ADGRV1: variants seen among roughly 807,000 people sequenced by gnomAD.
ADGRV1 encodes adhesion G protein-coupled receptor V1.
ADGRV1 carries 359 observed loss-of-function variants against 596.2 expected under a neutral mutation model. That is an observed-to-expected ratio of 0.60 (90% CI 0.55 to 0.66). The LOEUF (loss-of-function observed/expected upper bound fraction) is 0.66, where lower values mean the gene tolerates loss of function less well. ADGRV1 is among the 30% of genes least tolerant of loss of function. ADGRV1 has a pLI of 0.00. For synonymous variants in ADGRV1, 2,681 were observed against 2,679.2 expected, an observed-to-expected ratio of 1.00 and a Z score of -0.02; for missense variants, 7,274 against 7,575.6, an observed-to-expected ratio of 0.96 and a Z score of 1.48.
chr5:90,624,361 A>G (rs1318582760), intron 5 of ADGRV1, among the ~76,000 whole-genome samples: 2 of 152,210 alleles, frequency 1.3e-5, no homozygotes, highest in African/African-American at 4.8e-5. Context: ...GAAAGGATAA[A>G]TCATCCAGAG....
intron 89 of ADGRV1, among the ~76,000 whole-genome samples, chr5:91,162,956 A>G (rs2126972134): frequency 6.6e-6 from 1 of 152,290 alleles, no homozygotes; most frequent in Middle Eastern, 3.4e-3. Context: ...AGCACACCCT[A>G]TGACCACATC....
intron 85 of ADGRV1, among the ~76,000 whole-genome samples, chr5:91,057,765 T>C (rs1787018186): frequency 1.3e-5 from 2 of 152,240 alleles, no homozygotes; most frequent in Non-Finnish European, 2.9e-5. Flanking sequence ...GGTTCATTGC[T>C]CTTTCCTCCT....
chr5:91,101,183 T>G (rs894855454), intron 86 of ADGRV1, among the ~76,000 whole-genome samples: 3 of 152,200 alleles, frequency 2.0e-5, no homozygotes, highest in African/African-American at 4.8e-5. Context: ...GGGGATCAGA[T>G]TCACAATTTT....
chr5:91,036,445 C>T (rs1365482764), intron 85 of ADGRV1, among the ~76,000 whole-genome samples: 1 of 151,992 alleles, frequency 6.6e-6, no homozygotes, highest in East Asian at 1.9e-4. Flanking sequence ...ACCTGTAGTC[C>T]CAGCTACTTG....
At chr5:90,729,368 GTAAAATTGCAACA>G in intron 49 of ADGRV1, among the ~76,000 whole-genome samples, 1 of 152,122 alleles carries the variant, frequency 6.6e-6, no homozygotes. Flanking sequence ...ACTTTCATGG[GTAAAATTGCAACA>G]TTCCTAAAAA....
chr5:90,950,994 A>G (rs1777017004), intron 83 of ADGRV1, among the ~76,000 whole-genome samples: 2 of 152,184 alleles, frequency 1.3e-5, no homozygotes, highest in Non-Finnish European at 2.9e-5. Context: ...CCTCATTCTC[A>G]TTTTGCAGAG....
chr5:91,075,758 G>GTCTACATTTAAAAATATAAAAATA (rs1185871584), intron 86 of ADGRV1, among the ~76,000 whole-genome samples: 10 of 151,866 alleles, frequency 6.6e-5, no homozygotes, highest in African/African-American at 2.4e-4. Flanking sequence ...AATATAAAGT[G>GTCTACATTTAAAAATATAAAAATA]GATTTTCTCA....
intron 80 of ADGRV1, 97 bp downstream of exon 80, chr5:90,853,630 G>C (rs752727694): frequency 1.8e-4 from 210 of 1,141,438 alleles, no homozygotes; most frequent in Non-Finnish European, 2.4e-4. Context: ...GTTTTGGTAA[G>C]TGCTACACAT....
chr5:90,760,768 C>A (rs1756430702), intron 58 of ADGRV1, among the ~76,000 whole-genome samples: 1 of 151,862 alleles, frequency 6.6e-6, no homozygotes, highest in Admixed American at 6.6e-5. Flanking sequence ...ATTGATTCAG[C>A]CACAAAGAGA....
chr5:90,964,598 C>G (rs1778294230), intron 83 of ADGRV1, among the ~76,000 whole-genome samples: 1 of 152,056 alleles, frequency 6.6e-6, no homozygotes, highest in Non-Finnish European at 1.5e-5. Context: ...GCTCATTACT[C>G]AGCAAGTATT....
intron 86 of ADGRV1, among the ~76,000 whole-genome samples, chr5:91,101,662 G>A (rs1163000789): frequency 1.3e-5 from 2 of 152,108 alleles, no homozygotes; most frequent in South Asian, 2.1e-4. Context: ...TGTAGAATAA[G>A]TTTAGTTGAT....
At chr5:90,855,299 A>G (rs1021657485) in intron 81 of ADGRV1, among the ~76,000 whole-genome samples, 4 of 152,234 alleles carry the variant, frequency 2.6e-5, no homozygotes, top group African/African-American at 9.6e-5. Flanking sequence ...TTAGATAACC[A>G]TACAAGTAAT....
At chr5:91,096,407 G>T (rs571681340) in intron 86 of ADGRV1, among the ~76,000 whole-genome samples, 3 of 152,188 alleles carry the variant, frequency 2.0e-5, no homozygotes, top group Admixed American at 1.3e-4. Context: ...AATCTCAATG[G>T]AATCTACTAA....
intron 85 of ADGRV1, among the ~76,000 whole-genome samples, chr5:91,021,943 T>G (rs1783664518): frequency 6.6e-6 from 1 of 152,036 alleles, no homozygotes; most frequent in East Asian, 1.9e-4. Flanking sequence ...TTGTAACTGA[T>G]TGCCTACCTG....
At chr5:90,586,658 G>A (rs954627467) in intron 1 of ADGRV1, among the ~76,000 whole-genome samples, 1 of 152,176 alleles carries the variant, frequency 6.6e-6, no homozygotes, top group Admixed American at 6.5e-5. Context: ...ATGCTACATC[G>A]GTATGGTGCT....
At chr5:90,975,084 A>G in intron 84 of ADGRV1, among the ~76,000 whole-genome samples, 1 of 152,072 alleles carries the variant, frequency 6.6e-6, no homozygotes, top group Non-Finnish European at 1.5e-5. Flanking sequence ...TATGCAGCCA[A>G]CAGACACATG....
chr5:90,821,731 G>T (rs1379353738), intron 75 of ADGRV1, among the ~76,000 whole-genome samples: 1 of 151,814 alleles, frequency 6.6e-6, no homozygotes, highest in Non-Finnish European at 1.5e-5. Context: ...GCTGCTTCGG[G>T]GTCAGGGGTC....
intron 11 of ADGRV1, among the ~76,000 whole-genome samples, chr5:90,638,334 C>A (rs747382092): frequency 6.6e-6 from 1 of 151,952 alleles, no homozygotes; most frequent in Non-Finnish European, 1.5e-5. Context: ...AGGACTAGAG[C>A]TTGTGAGTAA....
intron 85 of ADGRV1, among the ~76,000 whole-genome samples, chr5:91,003,927 TA>T (rs1223495144): frequency 1.3e-5 from 2 of 152,004 alleles, no homozygotes; most frequent in East Asian, 3.8e-4. Flanking sequence ...AAGGGAAGCT[TA>T]AATCTAAAAT....
Sources: allele counts gnomAD v4.1 joint callset (sites outside exome capture counted in the v4.1 genomes callset), GRCh38; gene constraint gnomAD v4.1.1; transcripts MANE v1.5; gene names NCBI Gene and HGNC (gene_info 2026-07-23, HGNC 2026-07-21).